Variants in CXADR observed in about 807,000 individuals in gnomAD.
CXADR encodes coxsackievirus and adenovirus receptor.
In CXADR, 20 loss-of-function variants were observed where a neutral mutation model predicts 40.3. The ratio of observed to expected loss-of-function variants is 0.50; its 90% CI spans 0.35 to 0.72. The LOEUF (loss-of-function observed/expected upper bound fraction) is 0.72. CXADR is among the 30% of genes least tolerant of loss of function. CXADR has a pLI of 0.01. For missense variants in CXADR, 332 were observed against 449.1 expected, an observed-to-expected ratio of 0.74 and a Z score of 2.36; for synonymous variants, 150 against 161.3, an observed-to-expected ratio of 0.93 and a Z score of 0.53.
At position 17,513,181 on chromosome 21, in the gene CXADR, G is replaced by C; in HGVS notation, c.43+9G>C. On this transcript the variant is annotated intron_variant, in intron 1 of 6. Coordinates refer to ENST00000284878, the MANE Select transcript of CXADR (RefSeq NM_001338.5). The stretch of plus-strand genomic sequence containing the variant: ...CCTGTGCGGAGTAGTGGGTGAGTAG[G>C]GGCCATGGGGTCCTCAGCACCCGCC... The C allele has an allele frequency of 7.3e-7, 1 of 1,362,400 alleles. No individual in the cohort carries two copies. Among genetic ancestry groups the C allele is most frequent in the Non-Finnish European group, 9.5e-7 (1 of 1,054,386 alleles). The allele number at this position is 1,362,400 out of a possible 1,614,324, so 84.4% of individuals were successfully genotyped here.
intron 1 of CXADR, among the ~76,000 whole-genome samples, chr21:17,540,300 C>T (rs1366996580): frequency 6.6e-6 from 1 of 152,144 alleles, no homozygotes; most frequent in South Asian, 2.1e-4. Context: ...ACATGATTTA[C>T]TCTACCGCCG....
At chr21:17,551,707 T>C (rs565237517) in intron 2 of CXADR, 42 bp from the exon 3 acceptor site, 2 of 1,542,436 alleles carry the variant, frequency 1.3e-6, no homozygotes, top group African/African-American at 2.7e-5. Flanking sequence ...TTTTTTTGTG[T>C]GTGTTTGTTT....
At chr21:17,592,706 A>G (rs1334096790) in intron 7 of CXADR, among the ~76,000 whole-genome samples, 1 of 150,508 alleles carries the variant, frequency 6.6e-6, no homozygotes, top group Non-Finnish European at 1.5e-5. Flanking sequence ...GACACTAATA[A>G]ACAAACATGC....
downstream of CXADR, among the ~76,000 whole-genome samples, chr21:17,571,883 C>A (rs917866815): frequency 1.2e-4 from 18 of 152,278 alleles, no homozygotes; most frequent in African/African-American, 4.1e-4. Context: ...GCTTGATATA[C>A]CTCCTTCAGT....
intron 6 of CXADR, among the ~76,000 whole-genome samples, chr21:17,562,443 T>C (rs1411314328): frequency 6.6e-6 from 1 of 152,216 alleles, no homozygotes; most frequent in Non-Finnish European, 1.5e-5. Flanking sequence ...CACCTCAGCT[T>C]TCCGAGTATC....
chr21:17,566,409 G>T lies in CXADR; in HGVS notation c.*717G>T, dbSNP rs1333185713. ...ATCAGATTAAGTTAGAACATTTGCT[G>T]TCAGCCACATATTGAGATGACACTA... On this transcript the variant is annotated 3_prime_UTR_variant, in exon 7 of 7. Coordinates refer to ENST00000284878, the MANE Select transcript of CXADR (RefSeq NM_001338.5). 1.0e-6 allele frequency: 1 copy of T among 985,288 alleles called. No homozygotes were observed. The highest frequency in any genetic ancestry group is 1.2e-6 in the Non-Finnish European group (1 of 829,934). 61.0% of individuals were successfully genotyped at this position (985,288 alleles called of 1,614,324 possible).
At chr21:17,581,129 CA>C (rs1307511073) in intron 7 of CXADR, among the ~76,000 whole-genome samples, 1 of 152,178 alleles carries the variant, frequency 6.6e-6, no homozygotes, top group Non-Finnish European at 1.5e-5. Flanking sequence ...TGGTACAAAG[CA>C]AGCTTTTTTT....
chr21:17,609,132 T>C, the CXADR span: 1 of 1,604,924 alleles, frequency 6.2e-7, no homozygotes, highest in Non-Finnish European at 8.5e-7. Context: ...ACGGCAGCAA[T>C]TTCATTCTTC....
At chr21:17,520,837 A>G (rs147618945) in intron 1 of CXADR, among the ~76,000 whole-genome samples, 1 of 152,308 alleles carries the variant, frequency 6.6e-6, no homozygotes, top group Non-Finnish European at 1.5e-5. Flanking sequence ...GCTTGAGTGT[A>G]TAATGATGTC....
rs869189508 is a variant in CXADR, at chr21:17,545,072, GTTTTTT to G, written c.44-1935_44-1930del. 7.9e-3 allele frequency among the ~76,000 whole-genome samples: 436 copies of G among 55,462 alleles called. 4 individuals are homozygous for G. The highest frequency in any genetic ancestry group is 0.026 in the African/African-American group (381 of 14,820). 36.4% of individuals were successfully genotyped at this position (55,462 alleles called of 152,430 possible). On this transcript the variant is annotated intron_variant, in intron 1 of 6. Transcript: ENST00000284878. ...TTTACTCCTAATTTTGCTCTAATGTGTTTTTTTTTTTTTTTTTTTTTTTTTGGTGGG... is the reference window on the plus strand; with the variant it reads ...TTTACTCCTAATTTTGCTCTAATGTGTTTTTTTTTTTTTTTTTTTGGTGGG...
chr21:17,594,374 A>G, downstream of CXADR: 2 of 1,575,338 alleles, frequency 1.3e-6, no homozygotes, highest in South Asian at 1.2e-5. Context: ...AAAGGAAAAA[A>G]TCATCATCTA....
At chr21:17,563,346 C>T (rs2061150362) in intron 6 of CXADR, among the ~76,000 whole-genome samples, 1 of 150,942 alleles carries the variant, frequency 6.6e-6, no homozygotes, top group South Asian at 2.1e-4. Flanking sequence ...ACTTAGAGGT[C>T]ATTGTAGGGT....
chr21:17,513,320 C>G, intron 1 of CXADR, 148 bp downstream of exon 1: 1 of 803,164 alleles, frequency 1.2e-6, no homozygotes, highest in South Asian at 4.7e-5. Flanking sequence ...CAGAATTGCA[C>G]AGGGGCGCTT....
Position 17,513,176 on chromosome 21 carries a change from A to G in CXADR, c.43+4A>G. ...GTGCTCCTGTGCGGAGTAGTGGGTGAGTAGGGGCCATGGGGTCCTCAGCAC... is the reference window on the plus strand; with the variant it reads ...GTGCTCCTGTGCGGAGTAGTGGGTGGGTAGGGGCCATGGGGTCCTCAGCAC... On this transcript the variant is annotated splice_donor_region_variant and intron_variant, in intron 1 of 6. Coordinates refer to ENST00000284878, the MANE Select transcript of CXADR (RefSeq NM_001338.5). 1 of 1,363,520 alleles carries G rather than the reference A, an allele frequency of 7.3e-7. No homozygotes were observed. The highest frequency in any genetic ancestry group is 9.5e-7 in the Non-Finnish European group (1 of 1,055,064). The allele number at this position is 1,363,520 out of a possible 1,614,324, so 84.5% of individuals were successfully genotyped here.
rs111627166 is a variant in CXADR at position 17,567,241 on chromosome 21, G to T, written c.*1549G>T. Reference sequence around the variant, plus strand: ...TGGTGGTAAATGCTATATTATGAACGGTGGCATGTATTTACAGTTAGAGTA... The same window carrying T: ...TGGTGGTAAATGCTATATTATGAACTGTGGCATGTATTTACAGTTAGAGTA... On this transcript the variant is annotated 3_prime_UTR_variant, in exon 7 of 7. Transcript: ENST00000284878. The T allele has an allele frequency of 1.0e-6, 1 of 985,204 alleles. No homozygotes were observed. Among genetic ancestry groups the T allele is most frequent in the Non-Finnish European group, 1.2e-6 (1 of 829,902 alleles). The allele number at this position is 985,204 out of a possible 1,614,324, so 61.0% of individuals were successfully genotyped here.
At chr21:17,594,793 TAAG>T (rs1339007867), downstream of CXADR, among the ~76,000 whole-genome samples, 2 of 151,002 alleles carry the variant, frequency 1.3e-5, no homozygotes, top group African/African-American at 4.9e-5. Context: ...GAGGTAATGA[TAAG>T]AACTTATGAA....
At chr21:17,523,696 A>G (rs1323011126) in intron 1 of CXADR, among the ~76,000 whole-genome samples, 3 of 152,068 alleles carry the variant, frequency 2.0e-5, no homozygotes, top group Non-Finnish European at 4.4e-5. Context: ...AAATAAGATA[A>G]TTATTAAAAT....
At chr21:17,542,435 A>G (rs1600988496) in intron 1 of CXADR, among the ~76,000 whole-genome samples, 3 of 152,348 alleles carry the variant, frequency 2.0e-5, no homozygotes, top group Admixed American at 2.0e-4. Flanking sequence ...AGGAGGTGAC[A>G]TCAAGGGCTA....
chr21:17,617,915 C>T, the CXADR span, among the ~76,000 whole-genome samples: 22 of 152,196 alleles, frequency 1.4e-4, no homozygotes, highest in Admixed American at 2.6e-4. Flanking sequence ...TTTTACTCAC[C>T]GTAGAACTTC....
Sources: allele counts gnomAD v4.1 joint callset (sites outside exome capture counted in the v4.1 genomes callset), GRCh38; gene constraint gnomAD v4.1.1; transcripts MANE v1.5; gene names NCBI Gene and HGNC (gene_info 2026-07-23, HGNC 2026-07-21).